SYNE2: variants seen among roughly 807,000 people sequenced by gnomAD.
SYNE2 encodes nesprin-2.
SYNE2 carries 431 observed loss-of-function variants against 856.3 expected under a neutral mutation model. The observed-to-expected ratio is 0.50, with a 90% CI of 0.47 to 0.55. The LOEUF is 0.55. Among genes scored for constraint, SYNE2 ranks in the 20% least tolerant of loss-of-function variants. SYNE2 has a pLI of 0.00. For missense variants in SYNE2, 8,129 were observed against 8,023.2 expected (o/e 1.01, Z -0.50); for synonymous variants, 2,923 against 2,872.3 (o/e 1.02, Z -0.56).
rs552120248 is a variant in SYNE2, at chr14:64,216,338, A to T, written c.19493A>T (p.Asn6498Ile). ...HHYKQMEGDR[N>I]VPPVPPASST... is the part of the protein sequence containing the mutation. ...TACAAGCAAATGGAAGGTGACAGGA[A>T]TGTTCCACCTGTTCCCCCTGCGTCC... Residue 6498 changes from asparagine (N) to isoleucine (I), a missense_variant, in exon 108 of 116, where the codon AAT (asparagine) becomes ATT (isoleucine). Coordinates refer to ENST00000555002, the MANE Select transcript of SYNE2 (RefSeq NM_182914.3). 4 of 1,614,228 alleles carry T rather than the reference A, an allele frequency of 2.5e-6. No individual in the cohort carries two copies. In the Admixed American group the frequency reaches 6.7e-5, roughly 27 times the overall value.
intron 6 of SYNE2, among the ~76,000 whole-genome samples, chr14:63,945,316 C>T (rs1460358344): frequency 6.6e-6 from 1 of 152,074 alleles, no homozygotes; most frequent in African/African-American, 2.4e-5. Flanking sequence ...CCAATCACTG[C>T]CCTCCTTTCC....
chr14:63,803,905 G>A (rs566122422), intron 1 of SYNE2, among the ~76,000 whole-genome samples: 2 of 152,236 alleles, frequency 1.3e-5, no homozygotes, highest in African/African-American at 4.8e-5. Flanking sequence ...GAGGTCATTC[G>A]ATCATCAGGG....
At chr14:63,933,046 C>G (rs1440042874) in intron 2 of SYNE2, among the ~76,000 whole-genome samples, 1 of 152,074 alleles carries the variant, frequency 6.6e-6, no homozygotes, top group Non-Finnish European at 1.5e-5. Flanking sequence ...AGTGAAAGAT[C>G]AAAGTAATGA....
At chr14:64,141,315 T>C (rs755783475) in intron 80 of SYNE2, 26 bp from the exon 81 acceptor site, 2 of 1,592,604 alleles carry the variant, frequency 1.3e-6, no homozygotes, top group East Asian at 2.2e-5. Context: ...AATTTTAAGT[T>C]TCTAAATTTT....
At chr14:64,036,531 C>T (rs2097092040) in intron 45 of SYNE2, among the ~76,000 whole-genome samples, 1 of 152,144 alleles carries the variant, frequency 6.6e-6, no homozygotes, top group African/African-American at 2.4e-5. Flanking sequence ...GCAATACTCC[C>T]TCCCACCTTG....
At chr14:64,118,979 A>G (rs897293203) in intron 66 of SYNE2, among the ~76,000 whole-genome samples, 4 of 152,158 alleles carry the variant, frequency 2.6e-5, no homozygotes, top group African/African-American at 9.7e-5. Flanking sequence ...TTCACTCCTG[A>G]TAATGACCTT....
rs2097996042 is a variant in SYNE2, at chr14:64,129,918, A to G, written c.14139+17A>G. ...AAATTAGAGGTATGCCTGAGCAGAA[A>G]ACATTGACTCAGCACTGTGATTGTG... On this transcript the variant is annotated intron_variant, in intron 75 of 115. Coordinates refer to ENST00000555002, the MANE Select transcript of SYNE2 (RefSeq NM_182914.3). 4 of 1,614,138 alleles carry G rather than the reference A, an allele frequency of 2.5e-6. No individual in the cohort carries two copies. Among genetic ancestry groups the G allele is most frequent in the Non-Finnish European group, 3.4e-6 (4 of 1,180,034 alleles).
At chr14:64,022,723 G>C in intron 37 of SYNE2, 28 bp from the exon 38 acceptor site, 1 of 1,189,186 alleles carries the variant, frequency 8.4e-7, no homozygotes, top group Non-Finnish European at 1.2e-6. Context: ...TTCCTTGAAT[G>C]AATAGAGCTT....
intron 103 of SYNE2, among the ~76,000 whole-genome samples, chr14:64,210,841 C>A (rs899594593): frequency 2.0e-5 from 3 of 151,874 alleles, no homozygotes; most frequent in Non-Finnish European, 4.4e-5. Context: ...CCTTTCTTTT[C>A]TCTCTCTCTC....
intron 53 of SYNE2, among the ~76,000 whole-genome samples, chr14:64,075,398 A>G (rs80002169): frequency 0.041 from 6,229 of 152,200 alleles, 446 homozygotes; most frequent in African/African-American, 0.14. Context: ...TTATCTCCTA[A>G]AAACCTACAT....
Position 63,988,885 on chromosome 14 carries a change from C to T in SYNE2, c.2314-1526C>T, listed in dbSNP as rs74469336. ...CCCTCATGATTCAATTACCTCTCAC[C>T]GGGTGTCTCTCACAACTCGTGGGAA... On this transcript the variant is annotated intron_variant, in intron 19 of 115. Transcript: ENST00000555002. 1.1e-3 allele frequency among the ~76,000 whole-genome samples: 164 copies of T among 152,252 alleles called. 3 individuals are homozygous for T. The East Asian group carries it at 0.015, about 14-fold the overall frequency.
chr14:64,076,580 GCAAATCTTTATA>G (rs1396101354), intron 54 of SYNE2, among the ~76,000 whole-genome samples: 5 of 152,044 alleles, frequency 3.3e-5, no homozygotes, highest in Non-Finnish European at 7.4e-5. Flanking sequence ...AAGTACCTGA[GCAAATCTTTATA>G]CCTGAAAGTC....
intron 2 of SYNE2, among the ~76,000 whole-genome samples, chr14:63,940,380 A>G (rs1252755872): frequency 1.3e-5 from 2 of 152,188 alleles, no homozygotes; most frequent in African/African-American, 4.8e-5. Context: ...AGTAAAAAAT[A>G]TTAAAAACCA....
Position 63,995,298 on chromosome 14 carries a change from A to G in SYNE2, c.2940+96A>G. 5 of 1,073,206 alleles carry G rather than the reference A, an allele frequency of 4.7e-6. No individual in the cohort carries two copies. In the South Asian group the frequency reaches 6.7e-5, roughly 14 times the overall value. The allele number at this position is 1,073,206 out of a possible 1,614,324, so 66.5% of individuals were successfully genotyped here. A position where few individuals can be genotyped will look rare whatever the true frequency, so the allele number is the denominator to read the frequency against. On this transcript the variant is annotated intron_variant, in intron 23 of 115. Coordinates refer to ENST00000555002, the MANE Select transcript of SYNE2 (RefSeq NM_182914.3). ...TTAGCCTAGGATGAAAACTGTTCTG[A>G]AAATTACCCTAGCCCTCCTCTCCCC... is the stretch of plus-strand genomic sequence containing the variant.
intron 65 of SYNE2, among the ~76,000 whole-genome samples, chr14:64,111,232 G>A (rs1016799491): frequency 1.3e-5 from 2 of 151,892 alleles, no homozygotes; most frequent in Admixed American, 1.3e-4. Flanking sequence ...CATATAACAG[G>A]TGCTCAAATA....
chr14:64,024,407 AT>A lies in SYNE2; in HGVS notation c.5789del (p.Ile1930AsnfsTer17), dbSNP rs759969683. The A allele has an allele frequency of 6.2e-7, 1 of 1,614,164 alleles. No homozygotes were observed. Among genetic ancestry groups the A allele is most frequent in the Admixed American group, 1.7e-5 (1 of 60,024 alleles). The stretch of plus-strand genomic sequence containing the variant: ...ATTCGAATTAGAAAAAATGGAGTCC[AT>A]ATGCCAGGCTCGAGCAAAGGAGCTT... ...QEFELEKMES[I>X]CQARAKELED... On this transcript the variant is annotated frameshift_variant, in exon 39 of 116. Transcript: ENST00000555002. LOFTEE classifies it high-confidence loss of function.
chr14:63,886,570 A>G (rs1181461198), intron 1 of SYNE2, among the ~76,000 whole-genome samples: 1 of 152,214 alleles, frequency 6.6e-6, no homozygotes, highest in Non-Finnish European at 1.5e-5. Context: ...TATCAATTTT[A>G]TATTTTGTAA....
At chr14:63,961,653 T>A (rs1251011193) in intron 9 of SYNE2, 28 bp downstream of exon 9, 1 of 1,506,258 alleles carries the variant, frequency 6.6e-7, no homozygotes, top group South Asian at 1.1e-5. Flanking sequence ...TAAATCAAGC[T>A]CATTTTAGTT....
chr14:63,961,527 G>C lies in SYNE2; in HGVS notation c.790G>C (p.Val264Leu). The C allele has an allele frequency of 6.2e-7, 1 of 1,612,648 alleles. No homozygotes were observed. The highest frequency in any genetic ancestry group is 8.5e-7 in the Non-Finnish European group (1 of 1,178,784). ...KIPRLLEPEDVDVVDPDEKSI... is the reference protein window; with the variant it reads ...KIPRLLEPEDLDVVDPDEKSI... ...TGATAGTGTGGTGTATCTTGCAGAT[G>C]TGGATGTTGTTGATCCTGATGAAAA... is the stretch of plus-strand genomic sequence containing the variant. The change falls in exon 9 of 116, where the codon GTG becomes CTG. Residue 264 changes from valine to leucine, a missense_variant and splice_region_variant. Physicochemically the swap from Val to Leu is conservative, Grantham distance 32. Coordinates refer to ENST00000555002, the MANE Select transcript of SYNE2 (RefSeq NM_182914.3).
Sources: gnomAD v4.1 joint callset for allele counts (sites outside exome capture counted in the v4.1 genomes callset) on GRCh38, gnomAD v4.1.1 for gene constraint, MANE v1.5 for transcripts, NCBI Gene and HGNC (gene_info 2026-07-23, HGNC 2026-07-21) for gene names.